CCBE1: variants seen among roughly 807,000 people sequenced by gnomAD.
CCBE1 encodes collagen and calcium-binding EGF domain-containing protein 1.
Under a neutral mutation model 50.0 loss-of-function variants are expected in CCBE1, and 37 were observed. The observed-to-expected ratio is 0.74, with a 90% CI of 0.57 to 0.97. CCBE1 has a LOEUF of 0.97. Among genes scored for constraint, CCBE1 ranks in the 50% least tolerant of loss-of-function variants. CCBE1 has a pLI of 0.00. For missense variants in CCBE1, 538 were observed against 523.8 expected, an observed-to-expected ratio of 1.03 and a Z score of -0.26; for synonymous variants, 234 against 203.7, an observed-to-expected ratio of 1.15 and a Z score of -1.27.
intron 2 of CCBE1, among the ~76,000 whole-genome samples, chr18:59,687,029 G>A (rs2054664024): frequency 6.6e-6 from 1 of 152,210 alleles, no homozygotes; most frequent in African/African-American, 2.4e-5. Flanking sequence ...TGTGGTCTAA[G>A]TGGGTTCCCA....
intron 2 of CCBE1, among the ~76,000 whole-genome samples, chr18:59,502,902 C>A (rs1478516920): frequency 1.3e-5 from 2 of 152,182 alleles, no homozygotes; most frequent in African/African-American, 2.4e-5. Context: ...TCAAAGGATG[C>A]ATACGTTCTA....
rs148732992 is a variant in CCBE1, at chr18:59,681,849, C to G, written c.212+14780G>C. 2.8e-3 allele frequency among the ~76,000 whole-genome samples: 420 copies of G among 152,334 alleles called. 1 individual carries two copies. The highest frequency in any genetic ancestry group is 9.8e-3 in the African/African-American group (407 of 41,568). ...TAAGTACTGCAGAGTCTCCCTCAGT[C>G]GAGATGATCACCCTTGTGTTAAGCA... On this transcript the variant is annotated intron_variant, in intron 2 of 10. Transcript: ENST00000439986.
intron 2 of CCBE1, among the ~76,000 whole-genome samples, chr18:59,524,092 A>C (rs1914716952): frequency 6.6e-6 from 1 of 152,190 alleles, no homozygotes; most frequent in Non-Finnish European, 1.5e-5. Flanking sequence ...AGGCCGAGGC[A>C]GGCAGATTGC....
At chr18:59,499,142 G>A (rs895118152) in intron 2 of CCBE1, among the ~76,000 whole-genome samples, 11 of 152,226 alleles carry the variant, frequency 7.2e-5, no homozygotes, top group Non-Finnish European at 2.9e-5. Flanking sequence ...GAACAGTCAA[G>A]CAAGAGCCCA....
chr18:59,619,307 T>C (rs2053680998), intron 2 of CCBE1, among the ~76,000 whole-genome samples: 1 of 152,192 alleles, frequency 6.6e-6, no homozygotes, highest in Non-Finnish European at 1.5e-5. Flanking sequence ...TTATTTATCA[T>C]TATTATTTTG....
At chr18:59,593,899 G>A (rs2053311298) in intron 2 of CCBE1, among the ~76,000 whole-genome samples, 2 of 152,178 alleles carry the variant, frequency 1.3e-5, no homozygotes, top group South Asian at 4.1e-4. Flanking sequence ...AACTGCACGG[G>A]GTCCATATCC....
rs1412510376 is a variant in CCBE1, at chr18:59,494,259, ACTAC to A, written c.213-14025_213-14022del. On this transcript the variant is annotated intron_variant, in intron 2 of 10. Coordinates refer to ENST00000439986, the MANE Select transcript of CCBE1 (RefSeq NM_133459.4). ...ACATAAGGGGCACCCATCCTCATTC[ACTAC>A]CAGCCCTGCCCCTCCAGGGTGGCCC... Among the ~76,000 whole-genome samples the A allele has an allele frequency of 2.0e-5, 3 of 152,190 alleles. No homozygotes were observed. In the East Asian group the frequency reaches 5.8e-4, roughly 29 times the overall value.
intron 2 of CCBE1, among the ~76,000 whole-genome samples, chr18:59,638,137 T>G (rs1021039392): frequency 9.9e-5 from 15 of 152,260 alleles, no homozygotes; most frequent in Admixed American, 2.6e-4. Flanking sequence ...GGGTTTAACT[T>G]AGGAATGCAG....
At chr18:59,573,391 G>A (rs1177520058) in intron 2 of CCBE1, among the ~76,000 whole-genome samples, 4 of 150,026 alleles carry the variant, frequency 2.7e-5, no homozygotes, top group East Asian at 3.9e-4. Context: ...ACCTCCAGAC[G>A]GCAACACAAA....
chr18:59,454,673 T>G lies in CCBE1; in HGVS notation c.654+178A>C, dbSNP rs184929602. On this transcript the variant is annotated intron_variant, in intron 6 of 10. Coordinates refer to ENST00000439986, the MANE Select transcript of CCBE1 (RefSeq NM_133459.4). ...ATCCCTTGCCATCATTGTGTCCTGA[T>G]GCCCCTTGGATGGCTCTGAGGGTGG... is the stretch of plus-strand genomic sequence containing the variant. Among the ~76,000 whole-genome samples, 483 of 152,362 alleles carry G rather than the reference T, an allele frequency of 3.2e-3. 2 individuals carry two copies. Among genetic ancestry groups the G allele is most frequent in the African/African-American group, 0.011 (453 of 41,582 alleles).
intron 2 of CCBE1, among the ~76,000 whole-genome samples, chr18:59,650,695 G>A (rs954088255): frequency 6.6e-6 from 1 of 151,072 alleles, no homozygotes; most frequent in African/African-American, 2.4e-5. Context: ...ATTTACAGCC[G>A]CCTCTTCTGG....
chr18:59,665,584 A>C (rs528984440), intron 2 of CCBE1, among the ~76,000 whole-genome samples: 1 of 152,314 alleles, frequency 6.6e-6, no homozygotes, highest in East Asian at 1.9e-4. Flanking sequence ...CTGCTCCCGG[A>C]AACAACTGGG....
At chr18:59,441,720 G>A (rs1910434206) in intron 7 of CCBE1, among the ~76,000 whole-genome samples, 1 of 152,144 alleles carries the variant, frequency 6.6e-6, no homozygotes, top group Non-Finnish European at 1.5e-5. Context: ...ATAATATCAT[G>A]TATGAAAACA....
In CCBE1 at chr18:59,589,874, G is replaced by A. The variant is rs147151065; in HGVS notation, c.212+106755C>T. Among the ~76,000 whole-genome samples the A allele has an allele frequency of 5.7e-3, 854 of 149,948 alleles. 4 individuals are homozygous for A. Among genetic ancestry groups the A allele is most frequent in the Non-Finnish European group, 9.0e-3 (612 of 67,858 alleles). ...GGATGTACTTCAGGAGTGTATATTT[G>A]CTCAACAGTAGGAAACGTATCAATA... On this transcript the variant is annotated intron_variant, in intron 2 of 10. Coordinates refer to ENST00000439986, the MANE Select transcript of CCBE1 (RefSeq NM_133459.4).
chr18:59,440,258 G>A (rs1045133272), intron 7 of CCBE1, among the ~76,000 whole-genome samples: 4 of 152,190 alleles, frequency 2.6e-5, no homozygotes, highest in Non-Finnish European at 4.4e-5. Flanking sequence ...GGAGACTTGG[G>A]TTTGAATCTG....
chr18:59,608,571 G>A (rs1046944877), intron 2 of CCBE1, among the ~76,000 whole-genome samples: 5 of 152,104 alleles, frequency 3.3e-5, no homozygotes, highest in African/African-American at 9.7e-5. Flanking sequence ...AATGATCTAG[G>A]GAAGACTCTT....
At chr18:59,494,824 T>G (rs1046189883) in intron 2 of CCBE1, among the ~76,000 whole-genome samples, 1 of 152,170 alleles carries the variant, frequency 6.6e-6, no homozygotes, top group Non-Finnish European at 1.5e-5. Flanking sequence ...AGCGACGACC[T>G]GCAGCATGGC....
chr18:59,499,120 T>A (rs1026006648), intron 2 of CCBE1, among the ~76,000 whole-genome samples: 2 of 152,218 alleles, frequency 1.3e-5, no homozygotes, highest in Non-Finnish European at 2.9e-5. Flanking sequence ...GATTCCTTCA[T>A]TTAATTCTAG....
chr18:59,545,790 T>TC (rs1481698526), intron 2 of CCBE1, among the ~76,000 whole-genome samples: 2 of 152,154 alleles, frequency 1.3e-5, no homozygotes, highest in Non-Finnish European at 2.9e-5. Context: ...ATCAGGGGGT[T>TC]CCCCTTTTAC....
Sources: gnomAD v4.1 joint callset for allele counts (sites outside exome capture counted in the v4.1 genomes callset) on GRCh38, gnomAD v4.1.1 for gene constraint, MANE v1.5 for transcripts, NCBI Gene and HGNC (gene_info 2026-07-23, HGNC 2026-07-21) for gene names.